The following RANBP3 variants were observed in gnomAD, a reference collection of about 807,000 sequenced individuals.
RANBP3 encodes RAN binding protein 3, also known as ran-binding protein 3.
Under a neutral mutation model 77.3 loss-of-function variants are expected in RANBP3, and 14 were observed. The ratio of observed to expected loss-of-function variants is 0.18; its 90% confidence interval spans 0.12 to 0.28. The LOEUF (loss-of-function observed/expected upper bound fraction) is 0.28, where lower values mean the gene tolerates loss of function less well. Among genes scored for constraint, RANBP3 ranks in the 10% least tolerant of loss-of-function variants. The probability of loss-of-function intolerance (pLI) is 1.00; values close to 1 mark genes in which losing one functional copy is unlikely to be tolerated. For missense variants in RANBP3, 586 were observed against 752.3 expected (o/e 0.78, Z 2.59); for synonymous variants, 315 against 312.4 (o/e 1.01, Z -0.09).
intron 3 of RANBP3, among the ~76,000 whole-genome samples, chr19:5,943,396 C>T (rs2058164705): frequency 6.6e-6 from 1 of 152,212 alleles, no homozygotes. Context: ...TGCATTTTCC[C>T]ATAAAGGGCC....
intron 3 of RANBP3, among the ~76,000 whole-genome samples, chr19:5,949,861 G>A (rs903446516): frequency 1.1e-4 from 16 of 152,184 alleles, no homozygotes; most frequent in African/African-American, 3.4e-4. Context: ...AGAACAGCGC[G>A]TGTGCTCTTG....
chr19:5,951,654 G>A (rs1361937691), intron 2 of RANBP3, 58 bp from the exon 3 acceptor site: 2 of 1,501,656 alleles, frequency 1.3e-6, no homozygotes, highest in Non-Finnish European at 1.8e-6. Context: ...TCACACAGCA[G>A]GAAGGGCGGG....
At chr19:5,961,021 C>T (rs954815700) in intron 1 of RANBP3, among the ~76,000 whole-genome samples, 3 of 152,192 alleles carry the variant, frequency 2.0e-5, no homozygotes, top group Non-Finnish European at 4.4e-5. Flanking sequence ...CAATTGCCTC[C>T]CATCTCTTGT....
intron 1 of RANBP3, chr19:5,962,859 A>C: frequency 4.7e-6 from 2 of 425,202 alleles, no homozygotes; most frequent in Admixed American, 4.9e-5. Flanking sequence ...ACCACCAGAC[A>C]CACGGGTTGC....
chr19:5,918,073 G>C, intron 15 of RANBP3, 93 bp from the exon 16 acceptor site: 23 of 1,377,278 alleles, frequency 1.7e-5, no homozygotes, highest in Non-Finnish European at 2.1e-5. Context: ...AAGGTTCAGA[G>C]GTGACACTGC....
intron 5 of RANBP3, among the ~76,000 whole-genome samples, chr19:5,934,860 G>T (rs2058042725): frequency 6.6e-6 from 1 of 152,126 alleles, no homozygotes; most frequent in African/African-American, 2.4e-5. Flanking sequence ...ATTGTTGGAA[G>T]AAATTAAAGG....
intron 8 of RANBP3, among the ~76,000 whole-genome samples, chr19:5,930,060 C>T (rs759492274): frequency 6.6e-6 from 1 of 152,226 alleles, no homozygotes; most frequent in Non-Finnish European, 1.5e-5. Context: ...CTCTCGGTAG[C>T]GGGTGCTACC....
Position 5,964,981 on chromosome 19 carries a change from C to T in RANBP3, c.23-7008G>A, listed in dbSNP as rs571152417. Among the ~76,000 whole-genome samples, 256 of 152,112 alleles carry T rather than the reference C, an allele frequency of 1.7e-3. 4 individuals carry two copies. The highest frequency in any genetic ancestry group is 5.8e-3 in the African/African-American group (240 of 41,494). ...AAACTCCAATCAAATTGAAGCAGTT[C>T]CTATGACAGCTTTTTTGAGGAAAGA... On this transcript the variant is annotated intron_variant, in intron 1 of 16. Transcript: ENST00000340578.
intron 2 of RANBP3, among the ~76,000 whole-genome samples, 196 bp from the exon 3 acceptor site, chr19:5,951,792 G>GT (rs2058280369): frequency 6.6e-6 from 1 of 152,228 alleles, no homozygotes; most frequent in Admixed American, 6.5e-5. Flanking sequence ...CGGAAGGGAA[G>GT]TGAGAGTGGA....
intron 1 of RANBP3, among the ~76,000 whole-genome samples, chr19:5,965,394 G>C (rs2058455707): frequency 6.6e-6 from 1 of 152,186 alleles, no homozygotes; most frequent in South Asian, 2.1e-4. Context: ...CTTCCTGGTA[G>C]CACCTCTACA....
intron 6 of RANBP3, chr19:5,932,835 TGG>T (rs2058012565): frequency 2.2e-6 from 1 of 456,354 alleles, no homozygotes. Context: ...GTGGAGACTG[TGG>T]GAGGAGAGCA....
At chr19:5,925,576 G>T in intron 10 of RANBP3, 58 bp downstream of exon 10, 1 of 1,481,524 alleles carries the variant, frequency 6.7e-7, no homozygotes, top group Non-Finnish European at 9.4e-7. Context: ...TCTGGCAGAA[G>T]CCCTCGCGGC....
At chr19:5,943,403 G>A (rs1259147585) in intron 3 of RANBP3, among the ~76,000 whole-genome samples, 1 of 152,194 alleles carries the variant, frequency 6.6e-6, no homozygotes, top group African/African-American at 2.4e-5. Context: ...TCCCATAAAG[G>A]GCCAGACTGT....
chr19:5,927,243 T>G (rs1249380596), intron 9 of RANBP3, among the ~76,000 whole-genome samples: 1 of 152,154 alleles, frequency 6.6e-6, no homozygotes, highest in Non-Finnish European at 1.5e-5. Context: ...GGCCACTGTT[T>G]CCAACCACTG....
intron 5 of RANBP3, among the ~76,000 whole-genome samples, chr19:5,936,352 G>A (rs780697859): frequency 2.0e-5 from 3 of 152,170 alleles, no homozygotes; most frequent in African/African-American, 4.8e-5. Context: ...TCCACATGCA[G>A]GCAGGCAGGC....
intron 7 of RANBP3, 21 bp from the exon 8 acceptor site, chr19:5,931,552 G>A: frequency 6.3e-7 from 1 of 1,594,976 alleles, no homozygotes; most frequent in Non-Finnish European, 8.6e-7. Context: ...GAAGGAGAGT[G>A]GGGAATCACA....
rs1599724558 is a variant in RANBP3 at position 5,924,686 on chromosome 19, T to G, written c.996+141A>C. The stretch of plus-strand genomic sequence containing the variant: ...GTTTTCAGGCTGAGTCTGAGCAGGG[T>G]CTTCCCTCTCTCACTTGCTACTGAA... On this transcript the variant is annotated intron_variant, in intron 11 of 16. Transcript: ENST00000340578. This position sits in a 1 kb window ranked among gnomAD's most constrained non-coding sequence, Gnocchi z 4.7. 1.2e-6 allele frequency: 1 copy of G among 855,948 alleles called. No homozygotes were observed. The highest frequency in any genetic ancestry group is 1.8e-5 in the Admixed American group (1 of 55,162). The allele number at this position is 855,948 out of a possible 1,614,324, so 53.0% of individuals were successfully genotyped here. A position where few individuals can be genotyped will look rare whatever the true frequency, so the allele number is the denominator to read the frequency against.
At chr19:5,931,134 C>A (rs1362691982) in intron 8 of RANBP3, among the ~76,000 whole-genome samples, 1 of 152,200 alleles carries the variant, frequency 6.6e-6, no homozygotes, top group African/African-American at 2.4e-5. Context: ...CGGCAGAACT[C>A]TGGGCAACAG....
At chr19:5,951,289 T>C in intron 3 of RANBP3, 104 bp downstream of exon 3, 1 of 1,079,294 alleles carries the variant, frequency 9.3e-7, no homozygotes, top group Non-Finnish European at 1.4e-6. Context: ...CATTAGCTGC[T>C]TACAATTAGC....
Sources: allele counts gnomAD v4.1 joint callset (sites outside exome capture counted in the v4.1 genomes callset), GRCh38; gene constraint gnomAD v4.1.1; non-coding constraint Gnocchi (gnomAD v3.1); transcripts MANE v1.5; gene names NCBI Gene and HGNC (gene_info 2026-07-23, HGNC 2026-07-21).